The following NOS1AP variants were observed in gnomAD, a reference collection of about 807,000 sequenced individuals.
NOS1AP encodes the protein nitric oxide synthase 1 adaptor protein.
Under a neutral mutation model 56.2 loss-of-function variants are expected in NOS1AP, and 21 were observed. The ratio of observed to expected loss-of-function variants is 0.37; its 90% CI spans 0.26 to 0.54. The LOEUF (loss-of-function observed/expected upper bound fraction) is 0.54. NOS1AP is among the 20% of genes least tolerant of loss of function. The probability of loss-of-function intolerance (pLI) is 0.84; values close to 1 mark genes in which losing one functional copy is unlikely to be tolerated. For synonymous variants in NOS1AP, 270 were observed against 274.6 expected (o/e 0.98, Z 0.17); for missense variants, 522 against 657.8 (o/e 0.79, Z 2.26).
At chr1:162,299,566 A>C (rs1655575237) in intron 3 of NOS1AP, among the ~76,000 whole-genome samples, 1 of 152,230 alleles carries the variant, frequency 6.6e-6, no homozygotes, top group South Asian at 2.1e-4. Context: ...TTCGTATATT[A>C]AAATTTTATA....
chr1:162,290,436 C>T (rs1346732954), intron 3 of NOS1AP, among the ~76,000 whole-genome samples: 2 of 152,222 alleles, frequency 1.3e-5, no homozygotes, highest in African/African-American at 4.8e-5. Flanking sequence ...CCACCACACT[C>T]AGACACATGC....
chr1:162,311,572 C>G (rs1256693741), intron 4 of NOS1AP, among the ~76,000 whole-genome samples: 1 of 151,718 alleles, frequency 6.6e-6, no homozygotes, highest in Non-Finnish European at 1.5e-5. Context: ...TTCTTTCACC[C>G]TTTGTTTTCT....
chr1:162,310,763 C>T (rs1000425582), intron 4 of NOS1AP, among the ~76,000 whole-genome samples: 1 of 152,210 alleles, frequency 6.6e-6, no homozygotes, highest in African/African-American at 2.4e-5. Flanking sequence ...TTCTTACCTT[C>T]TACCTGTCAA....
intron 4 of NOS1AP, among the ~76,000 whole-genome samples, chr1:162,326,513 C>A (rs937698648): frequency 5.9e-5 from 9 of 152,158 alleles, no homozygotes; most frequent in Non-Finnish European, 1.2e-4. Context: ...TTAATATATA[C>A]AGGCACATAT....
intron 1 of NOS1AP, among the ~76,000 whole-genome samples, chr1:162,113,806 A>G (rs913171613): frequency 6.6e-6 from 1 of 152,134 alleles, no homozygotes; most frequent in Non-Finnish European, 1.5e-5. Context: ...ACACAAATCC[A>G]AACCATCTCC....
chr1:162,195,168 C>A (rs542743771), intron 2 of NOS1AP, among the ~76,000 whole-genome samples: 2 of 152,160 alleles, frequency 1.3e-5, no homozygotes, highest in East Asian at 3.9e-4. Context: ...ATATAAAGTA[C>A]TTAGTATAGT....
At chr1:162,140,735 G>T (rs536133320) in intron 1 of NOS1AP, among the ~76,000 whole-genome samples, 6 of 152,102 alleles carry the variant, frequency 3.9e-5, no homozygotes, top group African/African-American at 1.4e-4. Context: ...CTTCTCCACC[G>T]TAGCTGGACT....
At chr1:162,133,824 AG>A (rs66839222) in intron 1 of NOS1AP, among the ~76,000 whole-genome samples, 36,385 of 152,168 alleles carry the variant, frequency 0.24, 8,204 homozygotes, top group African/African-American at 0.6. Context: ...TCTCAACTGC[AG>A]GAAGCCAAGG....
At chr1:162,081,750 C>CTATATA (rs1558090531) in intron 1 of NOS1AP, among the ~76,000 whole-genome samples, 3 of 108,608 alleles carry the variant, frequency 2.8e-5, no homozygotes, top group African/African-American at 7.0e-5. Context: ...ATATCTATAT[C>CTATATA]TATAGATATA....
At position 162,343,926 on chromosome 1, in the gene NOS1AP, G is replaced by A; in HGVS notation, c.545G>A (p.Gly182Asp). 1 of 1,614,154 alleles carries A rather than the reference G, an allele frequency of 6.2e-7. No homozygotes were observed. Among genetic ancestry groups the A allele is most frequent in the Non-Finnish European group, 8.5e-7 (1 of 1,180,026 alleles). ...SLQHTQQNAD[G>D]QEDGESERNS... ...CAGCACACGCAGCAGAATGCAGATG[G>A]CCAGGAAGATGGAGAGAGCGAGAGG... The change falls in exon 6 of 10, where the codon GGC becomes GAC. Residue 182 changes from glycine (G) to aspartate (D), a missense_variant. Physicochemically the swap from Gly to Asp is moderately conservative, Grantham distance 94. Around this residue, in one of 4 missense-constraint regions of NOS1AP, gnomAD observed 178 missense variants for 165.0 expected, o/e 1.08. Coordinates refer to ENST00000361897, the MANE Select transcript of NOS1AP (RefSeq NM_014697.3).
Position 162,251,602 on chromosome 1 carries a change from A to ATGTG in NOS1AP, c.178-35714_178-35711dup, listed in dbSNP as rs35955567. On this transcript the variant is annotated intron_variant, in intron 2 of 9. Transcript: ENST00000361897. ...GGCTGGGTTTATTTAAAATATATAT[A>ATGTG]TGTGTGTGTGTGTGTGTGTGTGTGT... Among the ~76,000 whole-genome samples, 109 of 146,284 alleles carry ATGTG rather than the reference A, an allele frequency of 7.5e-4. 1 individual carries two copies. The highest frequency in any genetic ancestry group is 2.0e-3 in the East Asian group (10 of 4,906).
chr1:162,070,336 T>C, intron 1 of NOS1AP, 54 bp downstream of exon 1: 1 of 1,465,246 alleles, frequency 6.8e-7, no homozygotes, highest in South Asian at 1.1e-5. Flanking sequence ...GGGGGCATGT[T>C]TGAGCGGATG....
intron 2 of NOS1AP, among the ~76,000 whole-genome samples, chr1:162,235,072 A>G (rs7517159): frequency 0.54 from 81,863 of 152,008 alleles, 23,083 homozygotes; most frequent in Non-Finnish European, 0.64. Flanking sequence ...CCTTCAGTAA[A>G]TCCTGAATAT....
intron 2 of NOS1AP, among the ~76,000 whole-genome samples, chr1:162,222,885 G>C (rs1399186403): frequency 6.6e-6 from 1 of 152,170 alleles, no homozygotes; most frequent in Non-Finnish European, 1.5e-5. Context: ...CACGTGTGCT[G>C]ATTAGGTCAA....
chr1:162,090,301 G>T (rs1571001281), intron 1 of NOS1AP, among the ~76,000 whole-genome samples: 1 of 150,350 alleles, frequency 6.7e-6, no homozygotes, highest in Admixed American at 6.6e-5. Context: ...TTGTAAATCT[G>T]ATCTAATTTT....
chr1:162,233,842 C>CCT (rs1653203054), intron 2 of NOS1AP, among the ~76,000 whole-genome samples: 1 of 152,306 alleles, frequency 6.6e-6, no homozygotes, highest in Admixed American at 6.5e-5. Context: ...AGATGTTTAA[C>CCT]CTCTTCTCCA....
At chr1:162,100,165 G>T (rs1219289073) in intron 1 of NOS1AP, among the ~76,000 whole-genome samples, 1 of 152,150 alleles carries the variant, frequency 6.6e-6, no homozygotes, top group Non-Finnish European at 1.5e-5. Context: ...GGATGGCTGG[G>T]TCAAATGGTA....
At chr1:162,357,489 C>T (rs1657742225) in intron 8 of NOS1AP, among the ~76,000 whole-genome samples, 1 of 152,040 alleles carries the variant, frequency 6.6e-6, no homozygotes, top group African/African-American at 2.4e-5. Flanking sequence ...AAAGTGATGC[C>T]TTTGGAGTCA....
intron 1 of NOS1AP, among the ~76,000 whole-genome samples, chr1:162,148,192 A>C (rs766906632): frequency 2.6e-5 from 4 of 152,200 alleles, no homozygotes; most frequent in Non-Finnish European, 5.9e-5. Flanking sequence ...AGAATCCAGG[A>C]CTCAGGATGC....
Sources: allele counts gnomAD v4.1 joint callset (sites outside exome capture counted in the v4.1 genomes callset), GRCh38; gene constraint gnomAD v4.1.1; regional missense constraint gnomAD v4.1.1; transcripts MANE v1.5; gene names NCBI Gene and HGNC (gene_info 2026-07-23, HGNC 2026-07-21).